Variants in XIRP2 observed in about 807,000 individuals in gnomAD.
XIRP2 encodes xin actin-binding repeat-containing protein 2.
XIRP2 carries 236 observed loss-of-function variants against 277.0 expected under a neutral mutation model. That is an observed-to-expected ratio of 0.85 (90% confidence interval 0.77 to 0.95). The LOEUF is 0.95. Among genes scored for constraint, XIRP2 ranks in the 40% least tolerant of loss-of-function variants. The pLI is 0.00. For missense variants in XIRP2, 4,640 were observed against 4,157.5 expected, an observed-to-expected ratio of 1.12 and a Z score of -3.19; for synonymous variants, 1,490 against 1,416.5, an observed-to-expected ratio of 1.05 and a Z score of -1.17.
At chr2:167,169,046 A>C (rs1198748350) in intron 3 of XIRP2, among the ~76,000 whole-genome samples, 1 of 151,964 alleles carries the variant, frequency 6.6e-6, no homozygotes, top group African/African-American at 2.4e-5. Flanking sequence ...TTTTATTCAT[A>C]GTCAGACATG....
At chr2:167,191,767 T>C (rs1474096423) in intron 3 of XIRP2, among the ~76,000 whole-genome samples, 1 of 152,236 alleles carries the variant, frequency 6.6e-6, no homozygotes, top group Non-Finnish European at 1.5e-5. Context: ...TAGATCTTTG[T>C]CTTTTACATT....
chr2:166,897,583 T>C (rs1684276096), intron 1 of XIRP2, among the ~76,000 whole-genome samples: 1 of 152,088 alleles, frequency 6.6e-6, no homozygotes, highest in Non-Finnish European at 1.5e-5. Flanking sequence ...ACAACTATGA[T>C]AGAAGAATAG....
At chr2:167,098,123 G>A (rs964121471) in intron 2 of XIRP2, among the ~76,000 whole-genome samples, 3 of 152,146 alleles carry the variant, frequency 2.0e-5, no homozygotes, top group Non-Finnish European at 4.4e-5. Flanking sequence ...GGTTCTCGTG[G>A]ATAATATCCT....
Position 167,028,938 on chromosome 2 carries a change from A to T in XIRP2, c.409-106971A>T, listed in dbSNP as rs192949952. Among the ~76,000 whole-genome samples, 560 of 151,906 alleles carry T rather than the reference A, an allele frequency of 3.7e-3. 2 individuals are homozygous for T. The highest frequency in any genetic ancestry group is 0.013 in the African/African-American group (538 of 41,488). ...TAATTGACATACTGAAAAATACCTC[A>T]GAGTCTCTCAACAGCAGAATTGATC... On this transcript the variant is annotated intron_variant, in intron 2 of 10. Coordinates refer to ENST00000409195, the MANE Select transcript of XIRP2 (RefSeq NM_152381.6).
chr2:167,082,322 C>A (rs1398770074), intron 2 of XIRP2, among the ~76,000 whole-genome samples: 2 of 152,166 alleles, frequency 1.3e-5, no homozygotes, highest in African/African-American at 2.4e-5. Flanking sequence ...ATATGTGCCA[C>A]ATTTTCTTAA....
At chr2:166,949,724 T>C (rs574265744) in intron 2 of XIRP2, among the ~76,000 whole-genome samples, 3 of 152,198 alleles carry the variant, frequency 2.0e-5, no homozygotes, top group South Asian at 4.1e-4. Flanking sequence ...ATATTCATGA[T>C]TCTAGGACCA....
At chr2:167,212,921 A>G (rs555079415) in intron 4 of XIRP2, among the ~76,000 whole-genome samples, 108 of 44,780 alleles carry the variant, frequency 2.4e-3, no homozygotes, top group Admixed American at 7.6e-3. Flanking sequence ...CTGCACACAC[A>G]CACACACACA....
chr2:166,947,158 T>C (rs1685896588), intron 2 of XIRP2, among the ~76,000 whole-genome samples: 1 of 152,164 alleles, frequency 6.6e-6, no homozygotes, highest in Non-Finnish European at 1.5e-5. Flanking sequence ...TACTGCATTA[T>C]GTTTTCAAAA....
chr2:166,994,922 C>CTT (rs58470341), intron 2 of XIRP2, among the ~76,000 whole-genome samples: 6 of 146,004 alleles, frequency 4.1e-5, no homozygotes, highest in Admixed American at 6.9e-5. Context: ...GCTTTGACTT[C>CTT]TTTTTTTTTT....
chr2:167,160,810 A>G (rs778286340), intron 3 of XIRP2, among the ~76,000 whole-genome samples: 93 of 152,120 alleles, frequency 6.1e-4, no homozygotes, highest in Non-Finnish European at 9.0e-4. Context: ...AGTCCCCCAA[A>G]GTCTTAACTA....
chr2:166,942,413 A>G (rs1392046363), intron 2 of XIRP2, among the ~76,000 whole-genome samples: 1 of 152,218 alleles, frequency 6.6e-6, no homozygotes, highest in African/African-American at 2.4e-5. Flanking sequence ...TAGGCCCAAA[A>G]TACATTGCCT....
At position 167,243,174 on chromosome 2, in the gene XIRP2, T is replaced by G. The variant is rs1343329015; in HGVS notation, c.1782T>G (p.Pro594=). ...QPLDSINNGS[P]DEGDISRGIA... is the part of the protein sequence containing the mutation. ...TGGATTCCATCAACAATGGCTCTCC[T>G]GATGAAGGTGATATTTCCAGGGGCA... The change falls in exon 9 of 11, where the codon CCT becomes CCG. Residue 594 remains proline, a synonymous_variant. Transcript: ENST00000409195. The G allele has an allele frequency of 1.2e-6, 2 of 1,614,140 alleles. No individual in the cohort carries two copies. The highest frequency in any genetic ancestry group is 8.5e-7 in the Non-Finnish European group (1 of 1,180,002).
At chr2:167,004,400 A>G (rs966218109) in intron 2 of XIRP2, among the ~76,000 whole-genome samples, 1 of 151,918 alleles carries the variant, frequency 6.6e-6, no homozygotes, top group East Asian at 1.9e-4. Flanking sequence ...ATTAAAAACT[A>G]TTTGCCAGAC....
In XIRP2 at chr2:167,240,779, T is replaced by C. The variant is rs570423258; in HGVS notation, c.1042+43T>C. ...TTGGTTCCAATACTCCTTTCTCCTATTGATGTGTTTGATTTTGAATGGATG... is the reference window on the plus strand; with the variant it reads ...TTGGTTCCAATACTCCTTTCTCCTACTGATGTGTTTGATTTTGAATGGATG... On this transcript the variant is annotated intron_variant, in intron 7 of 10. Coordinates refer to ENST00000409195, the MANE Select transcript of XIRP2 (RefSeq NM_152381.6). The C allele has an allele frequency of 5.2e-6, 8 of 1,545,998 alleles. No individual in the cohort carries two copies. In the African/African-American group the frequency reaches 8.2e-5, roughly 16 times the overall value.
intron 2 of XIRP2, among the ~76,000 whole-genome samples, chr2:167,017,625 T>C (rs188088870): frequency 5.2e-4 from 79 of 152,104 alleles, no homozygotes; most frequent in Admixed American, 2.2e-3. Context: ...ACTCCATCAT[T>C]GTGAGTCATG....
intron 2 of XIRP2, among the ~76,000 whole-genome samples, chr2:167,061,096 A>G (rs1381532574): frequency 6.6e-6 from 1 of 152,086 alleles, no homozygotes; most frequent in Non-Finnish European, 1.5e-5. Context: ...TTTATCCCCA[A>G]TTATTTCTCA....
At position 167,245,971 on chromosome 2, in the gene XIRP2, T is replaced by C. The variant is rs1485065709; in HGVS notation, c.4579T>C (p.Trp1527Arg). Residue 1527 changes from tryptophan to arginine, a missense_variant, in exon 9 of 11, where the codon TGG becomes CGG. By Grantham distance (101) the Trp-to-Arg change is moderately radical. Coordinates refer to ENST00000409195, the MANE Select transcript of XIRP2 (RefSeq NM_152381.6). ...IPPSDVKTTT[W>R]LFETTPLHEF... ...TCCTTCTGATGTCAAAACAACCACATGGCTCTTTGAAACAACACCACTTCA... is the reference window on the plus strand; with the variant it reads ...TCCTTCTGATGTCAAAACAACCACACGGCTCTTTGAAACAACACCACTTCA... 2 of 1,613,526 alleles carry C rather than the reference T, an allele frequency of 1.2e-6. No individual in the cohort carries two copies. Among genetic ancestry groups the C allele is most frequent in the African/African-American group, 2.7e-5 (2 of 74,970 alleles).
At chr2:167,012,896 TTTG>T (rs1354232606) in intron 2 of XIRP2, among the ~76,000 whole-genome samples, 4 of 151,444 alleles carry the variant, frequency 2.6e-5, no homozygotes, top group African/African-American at 9.7e-5. Flanking sequence ...TCTCCAGCGT[TTTG>T]TTATTTCCAG....
At chr2:166,906,121 T>C (rs1300140939) in intron 2 of XIRP2, among the ~76,000 whole-genome samples, 1 of 152,030 alleles carries the variant, frequency 6.6e-6, no homozygotes, top group Admixed American at 6.6e-5. Flanking sequence ...TCAATATTTA[T>C]TAAACTTAAA....
Sources: allele counts gnomAD v4.1 joint callset (sites outside exome capture counted in the v4.1 genomes callset), GRCh38; gene constraint gnomAD v4.1.1; transcripts MANE v1.5; gene names NCBI Gene and HGNC (gene_info 2026-07-23, HGNC 2026-07-21).